Variants in ATRIP observed in about 807,000 individuals in gnomAD.
ATRIP encodes the protein ATR-interacting protein.
Under a neutral mutation model 78.1 loss-of-function variants are expected in ATRIP, and 44 were observed. That is an observed-to-expected ratio of 0.56 (90% confidence interval 0.44 to 0.72). ATRIP has a LOEUF of 0.72. Among genes scored for constraint, ATRIP ranks in the 30% least tolerant of loss-of-function variants. ATRIP has a pLI of 0.00. For missense variants in ATRIP, 927 were observed against 980.2 expected (o/e 0.95, Z 0.72); for synonymous variants, 388 against 408.9 (o/e 0.95, Z 0.62).
At chr3:48,456,870 T>G (rs537741061) in intron 4 of ATRIP, among the ~76,000 whole-genome samples, 3 of 152,220 alleles carry the variant, frequency 2.0e-5, no homozygotes, top group Non-Finnish European at 2.9e-5. Context: ...TAGAAAAATA[T>G]AAAAATGAGT....
chr3:48,467,125 C>T lies in ATRIP; in HGVS notation c.*1571C>T, dbSNP rs1210588757. On this transcript the variant is annotated 3_prime_UTR_variant, in exon 13 of 13. Coordinates refer to ENST00000320211, the MANE Select transcript of ATRIP (RefSeq NM_130384.3). ...GGTGCCTTCTGTGTGGATAGCATCACTGCGCTGAAGGCCCTGGAGCGAGCA... is the reference window on the plus strand; with the variant it reads ...GGTGCCTTCTGTGTGGATAGCATCATTGCGCTGAAGGCCCTGGAGCGAGCA... The T allele has an allele frequency of 1.2e-6, 2 of 1,614,038 alleles. No homozygotes were observed. Among genetic ancestry groups the T allele is most frequent in the Non-Finnish European group, 1.7e-6 (2 of 1,180,038 alleles).
intron 1 of ATRIP, among the ~76,000 whole-genome samples, chr3:48,448,187 A>C (rs951316232): frequency 9.8e-5 from 10 of 101,530 alleles, no homozygotes; most frequent in African/African-American, 4.0e-4. Flanking sequence ...TTTTTGACGG[A>C]GTCTCACTCT....
chr3:48,458,649 A>G (rs1202805363), intron 5 of ATRIP, among the ~76,000 whole-genome samples: 2 of 152,106 alleles, frequency 1.3e-5, no homozygotes, highest in Admixed American at 1.3e-4. Context: ...CCAGCTTTTG[A>G]GTTTTTATAA....
chr3:48,466,996 G>A lies in ATRIP; in HGVS notation c.*1442G>A, dbSNP rs72556554. 822 of 1,613,086 alleles carry A rather than the reference G, an allele frequency of 5.1e-4. No individual in the cohort carries two copies. The highest frequency in any genetic ancestry group is 6.4e-4 in the Non-Finnish European group (759 of 1,180,016). Reference sequence around the variant, plus strand: ...AACCTGCTCCTAGCCTTCCTGCGGCGCCAGCCACAGCCCTGGTGCCTGGTG... The same window carrying A: ...AACCTGCTCCTAGCCTTCCTGCGGCACCAGCCACAGCCCTGGTGCCTGGTG... On this transcript the variant is annotated 3_prime_UTR_variant, in exon 13 of 13. Transcript: ENST00000320211.
At position 48,466,463 on chromosome 3, in the gene ATRIP, CT is replaced by C. The variant is rs758745051; in HGVS notation, c.*910del. 41 of 1,613,784 alleles carry C rather than the reference CT, an allele frequency of 2.5e-5. No individual in the cohort carries two copies. The South Asian group carries it at 4.3e-4, about 17-fold the overall frequency. On this transcript the variant is annotated 3_prime_UTR_variant, in exon 13 of 13. Coordinates refer to ENST00000320211, the MANE Select transcript of ATRIP (RefSeq NM_130384.3). ...GTGCTGGTCCCACTAAGGAAACCAC[CT>C]CACCCTCTCCAACTTCCTGCCTGAA... is the stretch of plus-strand genomic sequence containing the variant.
rs759096165 is a variant in ATRIP at position 48,464,822 on chromosome 3, C to T, written c.2056-9C>T. ...CACCAGGCCTCAGTCTGCACCCCCCCTCTCTCAGGTGGTCAGAGCGCTCAC... is the reference window on the plus strand; with the variant it reads ...CACCAGGCCTCAGTCTGCACCCCCCTTCTCTCAGGTGGTCAGAGCGCTCAC... On this transcript the variant is annotated splice_polypyrimidine_tract_variant and intron_variant, in intron 11 of 12. Transcript: ENST00000320211. The T allele has an allele frequency of 1.2e-6, 2 of 1,604,146 alleles. No individual in the cohort carries two copies. Among genetic ancestry groups the T allele is most frequent in the Admixed American group, 1.7e-5 (1 of 59,804 alleles).
chr3:48,453,290 A>G (rs1484529804), intron 3 of ATRIP, among the ~76,000 whole-genome samples: 3 of 152,222 alleles, frequency 2.0e-5, no homozygotes, highest in African/African-American at 2.4e-5. Flanking sequence ...TCTCAAGGAC[A>G]TGGGATCTTA....
intron 10 of ATRIP, 99 bp from the exon 11 acceptor site, chr3:48,464,483 A>G: frequency 7.7e-7 from 1 of 1,304,700 alleles, no homozygotes; most frequent in East Asian, 2.3e-5. Context: ...GCAGACAAAC[A>G]GTTGCTGAAG....
At chr3:48,450,390 A>T (rs1042325219) in intron 2 of ATRIP, 40 of 1,008,940 alleles carry the variant, frequency 4.0e-5, no homozygotes, top group Non-Finnish European at 9.9e-6. Flanking sequence ...TGTATACCAG[A>T]TCCAAAAAGA....
In ATRIP at chr3:48,465,068, G is replaced by A. The variant is rs2040239458; in HGVS notation, c.2293G>A (p.Val765Met). 3 of 1,609,390 alleles carry A rather than the reference G, an allele frequency of 1.9e-6. No individual in the cohort carries two copies. The Admixed American group carries it at 5.0e-5, about 27-fold the overall frequency. ...VSMLIRGLPDVTDCEEAALDD... is the reference protein window; with the variant it reads ...VSMLIRGLPDMTDCEEAALDD... ...CATGCTCATCCGAGGGCTTCCTGATGTGACGGACTGTGAAGGTAAGCCTGC... is the reference window on the plus strand; with the variant it reads ...CATGCTCATCCGAGGGCTTCCTGATATGACGGACTGTGAAGGTAAGCCTGC... Residue 765 changes from valine (V) to methionine (M), a missense_variant, in exon 12 of 13, where the codon GTG (valine) becomes ATG (methionine). Coordinates refer to ENST00000320211, the MANE Select transcript of ATRIP (RefSeq NM_130384.3).
rs768580583 is a variant in ATRIP at position 48,466,725 on chromosome 3, T to C, written c.*1171T>C. On this transcript the variant is annotated 3_prime_UTR_variant, in exon 13 of 13. Transcript: ENST00000320211. ...CTTTTTCGACATGGAGGCCACTGGC[T>C]TGCCCTTCTCCCAGCCCAAGGTCAC... 7 of 1,614,070 alleles carry C rather than the reference T, an allele frequency of 4.3e-6. No individual in the cohort carries two copies. The highest frequency in any genetic ancestry group is 5.9e-6 in the Non-Finnish European group (7 of 1,180,012).
chr3:48,447,049 A>T lies in ATRIP; in HGVS notation c.204A>T (p.Ser68=). ...DDLEELDTLA[S]QALSQCPAAA... is the part of the protein sequence containing the mutation. ...TGGAGGAGCTTGACACCCTCGCGTC[A>T]CAGGCCCTGAGCCAATGTCCGGCCG... Residue 68 remains serine, a synonymous_variant, in exon 1 of 13, where the codon TCA becomes TCT. Coordinates refer to ENST00000320211, the MANE Select transcript of ATRIP (RefSeq NM_130384.3). 6.4e-7 allele frequency: 1 copy of T among 1,567,428 alleles called. No homozygotes were observed. The highest frequency in any genetic ancestry group is 8.6e-7 in the Non-Finnish European group (1 of 1,159,014).
chr3:48,451,194 A>C lies in ATRIP; in HGVS notation c.382-535A>C, dbSNP rs550513628. 2.6e-5 allele frequency among the ~76,000 whole-genome samples: 4 copies of C among 151,830 alleles called. No homozygotes were observed. In the South Asian group the frequency reaches 8.3e-4, roughly 32 times the overall value. On this transcript the variant is annotated intron_variant, in intron 2 of 12. Transcript: ENST00000320211. ...ACAATAGCAAGACTCCGTCTCAAAA[A>C]AAAAAAGGAATCTGGTCAGGCAAGG...
At chr3:48,449,362 C>A (rs964239693) in intron 1 of ATRIP, among the ~76,000 whole-genome samples, 1 of 130,278 alleles carries the variant, frequency 7.7e-6, no homozygotes, top group Non-Finnish European at 1.5e-5. Context: ...TGCAGTGAGC[C>A]GAGATCACGC....
In ATRIP at chr3:48,451,781, T is replaced by C; in HGVS notation, c.434T>C (p.Leu145Ser). ...VLIKNGEIKILRDSLHQTESV... is the reference protein window; with the variant it reads ...VLIKNGEIKISRDSLHQTESV... ...ATTAAGAATGGAGAAATTAAAATTT[T>C]GCGAGACTCACTACATCAGACGGAA... Residue 145 changes from leucine (L) to serine (S), a missense_variant, in exon 3 of 13, where the codon TTG (leucine) becomes TCG (serine). By Grantham distance (145) the Leu-to-Ser change is moderately radical. Coordinates refer to ENST00000320211, the MANE Select transcript of ATRIP (RefSeq NM_130384.3). 1 of 1,608,618 alleles carries C rather than the reference T, an allele frequency of 6.2e-7. No individual in the cohort carries two copies. Among genetic ancestry groups the C allele is most frequent in the East Asian group, 2.2e-5 (1 of 44,774 alleles).
chr3:48,467,192 A>C lies in ATRIP; in HGVS notation c.*1638A>C. 6.2e-7 allele frequency: 1 copy of C among 1,613,818 alleles called. No individual in the cohort carries two copies. The highest frequency in any genetic ancestry group is 8.5e-7 in the Non-Finnish European group (1 of 1,179,912). The stretch of plus-strand genomic sequence containing the variant: ...ACGGCCCAAGGAAGAGCTATAGCCT[A>C]GGCAGCATCTACACTCGCCTGTATG... On this transcript the variant is annotated 3_prime_UTR_variant, in exon 13 of 13. Transcript: ENST00000320211.
chr3:48,462,108 A>C (rs980043371), intron 8 of ATRIP, among the ~76,000 whole-genome samples: 1 of 152,076 alleles, frequency 6.6e-6, no homozygotes, highest in South Asian at 2.1e-4. Flanking sequence ...TGGGAGGATC[A>C]CTTGAGCCCA....
At chr3:48,458,164 G>T (rs1384790765) in intron 5 of ATRIP, among the ~76,000 whole-genome samples, 8 of 147,504 alleles carry the variant, frequency 5.4e-5, no homozygotes, top group African/African-American at 2.0e-4. Flanking sequence ...TGCAACTTCC[G>T]CCTCCCGGGT....
chr3:48,454,616 T>G (rs888014101), intron 4 of ATRIP, among the ~76,000 whole-genome samples, 198 bp downstream of exon 4: 1 of 152,194 alleles, frequency 6.6e-6, no homozygotes, highest in African/African-American at 2.4e-5. Context: ...GCCTATACTC[T>G]AGAAATGCTG....
Sources: allele counts gnomAD v4.1 joint callset (sites outside exome capture counted in the v4.1 genomes callset), GRCh38; gene constraint gnomAD v4.1.1; transcripts MANE v1.5; gene names NCBI Gene and HGNC (gene_info 2026-07-23, HGNC 2026-07-21).